RIN3: variants seen among roughly 807,000 people sequenced by gnomAD.
RIN3 encodes the protein Ras and Rab interactor 3.
In RIN3, 54 loss-of-function variants were observed where a neutral mutation model predicts 76.3. The observed-to-expected ratio is 0.71, with a 90% CI of 0.57 to 0.89. RIN3 has a LOEUF of 0.89. Among genes scored for constraint, RIN3 ranks in the 40% least tolerant of loss-of-function variants. RIN3 has a pLI of 0.00. For synonymous variants in RIN3, 576 were observed against 564.0 expected (o/e 1.02, Z -0.30); for missense variants, 1,256 against 1,322.1 (o/e 0.95, Z 0.78).
intron 3 of RIN3, among the ~76,000 whole-genome samples, chr14:92,613,944 G>A (rs1442313805): frequency 8.5e-5 from 13 of 152,188 alleles, no homozygotes; most frequent in Admixed American, 3.3e-4. Flanking sequence ...CAGGAGTTGT[G>A]GGGCAGGTGC....
At chr14:92,618,607 T>C (rs1345451713) in intron 4 of RIN3, among the ~76,000 whole-genome samples, 1 of 152,212 alleles carries the variant, frequency 6.6e-6, no homozygotes, top group African/African-American at 2.4e-5. Context: ...CCCTCTTGCA[T>C]GGGAAAGCTT....
chr14:92,614,799 T>TTTTATATATA (rs1555388278), intron 3 of RIN3, among the ~76,000 whole-genome samples: 19 of 103,402 alleles, frequency 1.8e-4, no homozygotes, highest in African/African-American at 5.8e-4. Context: ...TTAAACCTCT[T>TTTTATATATA]TATATATATA....
chr14:92,653,028 A>T lies in RIN3; in HGVS notation c.1979A>T (p.Glu660Val). The T allele has an allele frequency of 6.2e-7, 1 of 1,610,364 alleles. No homozygotes were observed. Among genetic ancestry groups the T allele is most frequent in the Non-Finnish European group, 8.5e-7 (1 of 1,179,924 alleles). ...AAGAGCTACCTGCTGCAGAGCACCG[A>T]GCTCAAGGCCCTGGTGGACCCCGCC... ...QLKSYLLQST[E>V]LKALVDPALH... The change falls in exon 6 of 10, where the codon GAG becomes GTG. Residue 660 changes from glutamate (E) to valine (V), a missense_variant. Around this residue, in one of 3 missense-constraint regions of RIN3, gnomAD observed 428 missense variants for 521.2 expected, o/e 0.82. Coordinates refer to ENST00000216487, the MANE Select transcript of RIN3 (RefSeq NM_024832.5).
chr14:92,613,762 AGACCTGGAAGCCG>A (rs1375801836), intron 3 of RIN3, among the ~76,000 whole-genome samples: 4 of 152,228 alleles, frequency 2.6e-5, no homozygotes, highest in Admixed American at 2.6e-4. Context: ...GCTCAGAGCC[AGACCTGGAAGCCG>A]GGTCCTGCCT....
intron 3 of RIN3, among the ~76,000 whole-genome samples, chr14:92,600,117 C>T (rs751175723): frequency 2.0e-4 from 31 of 152,162 alleles, no homozygotes; most frequent in African/African-American, 3.1e-4. Flanking sequence ...TCACCACCTG[C>T]GCTCAGAACC....
intron 7 of RIN3, among the ~76,000 whole-genome samples, chr14:92,668,531 C>G (rs757686990): frequency 3.9e-5 from 6 of 152,216 alleles, no homozygotes; most frequent in Non-Finnish European, 7.3e-5. Flanking sequence ...TAACCAGCAT[C>G]TGTGCAAAGT....
chr14:92,604,909 CTTTTTTTTTTTTTTTTTTTTTT>C (rs148326639), intron 3 of RIN3, among the ~76,000 whole-genome samples: 2 of 90,050 alleles, frequency 2.2e-5, no homozygotes, highest in African/African-American at 4.9e-5. Flanking sequence ...CCATTTTCCT[CTTTTTTTTTTTTTTTTTTTTTT>C]TTTTTTTTTT....
Position 92,685,491 on chromosome 14 carries a change from C to G in RIN3, c.2631+341C>G. 3.9e-6 allele frequency: 1 copy of G among 256,946 alleles called. No individual in the cohort carries two copies. The highest frequency in any genetic ancestry group is 7.7e-6 in the Non-Finnish European group (1 of 130,684). 15.9% of individuals were successfully genotyped at this position (256,946 alleles called of 1,614,324 possible). ...GGAGATGGGGACTTGTCATCCCAGT[C>G]CCTGCTTTAAGGAGCCCACAGGCTC... On this transcript the variant is annotated intron_variant, in intron 9 of 9. Coordinates refer to ENST00000216487, the MANE Select transcript of RIN3 (RefSeq NM_024832.5). The surrounding 1 kb of genome is among the most constrained non-coding windows in gnomAD (Gnocchi z 4.7).
chr14:92,611,251 A>G (rs1885720481), intron 3 of RIN3, among the ~76,000 whole-genome samples: 1 of 151,866 alleles, frequency 6.6e-6, no homozygotes, highest in African/African-American at 2.4e-5. Flanking sequence ...TTCCCATGGC[A>G]TTCCCTTCGC....
chr14:92,579,226 C>A (rs1426357259), intron 3 of RIN3, among the ~76,000 whole-genome samples: 1 of 152,194 alleles, frequency 6.6e-6, no homozygotes, highest in Non-Finnish European at 1.5e-5. Flanking sequence ...CCGTGCCCGG[C>A]CCTGAGCCAT....
chr14:92,553,614 T>G (rs1003127400), intron 1 of RIN3, among the ~76,000 whole-genome samples: 4 of 152,000 alleles, frequency 2.6e-5, no homozygotes, highest in African/African-American at 9.7e-5. Context: ...ACCTGGCTCC[T>G]TCTTCTAGGT....
At chr14:92,573,774 C>A (rs553428891) in intron 2 of RIN3, among the ~76,000 whole-genome samples, 1 of 152,358 alleles carries the variant, frequency 6.6e-6, no homozygotes, top group South Asian at 2.1e-4. Flanking sequence ...TTCCCATGGG[C>A]CTGGTGGCCA....
At chr14:92,641,407 T>G in intron 5 of RIN3, 78 bp downstream of exon 5, 5 of 1,083,004 alleles carry the variant, frequency 4.6e-6, no homozygotes, top group Non-Finnish European at 7.0e-6. Flanking sequence ...AGGGGCCGCC[T>G]GTGCAGAGGG....
chr14:92,585,769 C>T (rs1226310833), intron 3 of RIN3, among the ~76,000 whole-genome samples: 1 of 152,146 alleles, frequency 6.6e-6, no homozygotes, highest in Non-Finnish European at 1.5e-5. Context: ...CAGGTACACG[C>T]CGCTGTGCCT....
At chr14:92,589,099 G>T (rs1018779862) in intron 3 of RIN3, among the ~76,000 whole-genome samples, 1 of 152,094 alleles carries the variant, frequency 6.6e-6, no homozygotes, top group Non-Finnish European at 1.5e-5. Context: ...GAAGTTTCTT[G>T]GTTTCTTGCC....
At chr14:92,549,527 A>G (rs147359636) in intron 1 of RIN3, among the ~76,000 whole-genome samples, 268 of 152,312 alleles carry the variant, frequency 1.8e-3, no homozygotes, top group African/African-American at 6.1e-3. Context: ...TGGGCTAGCT[A>G]TCCACGCTGG....
At chr14:92,657,078 G>T (rs905280345) in intron 6 of RIN3, among the ~76,000 whole-genome samples, 1 of 152,230 alleles carries the variant, frequency 6.6e-6, no homozygotes, top group Non-Finnish European at 1.5e-5. Flanking sequence ...GCCAGACAGG[G>T]CGGGGTGTGG....
Position 92,513,854 on chromosome 14 carries a change from T to C in RIN3, c.-79T>C, listed in dbSNP as rs1896358059. On this transcript the variant is annotated 5_prime_UTR_variant, in exon 1 of 10. It removes an upstream start codon present in the reference 5' UTR. Coordinates refer to ENST00000216487, the MANE Select transcript of RIN3 (RefSeq NM_024832.5). ...TTCCAGAGGGCCAGAGCCAGGGACA[T>C]GCGGGCGCCCGGGACTCCGCGTTCC... is the stretch of plus-strand genomic sequence containing the variant. 1 of 1,058,000 alleles carries C rather than the reference T, an allele frequency of 9.5e-7. No individual in the cohort carries two copies. The highest frequency in any genetic ancestry group is 1.2e-6 in the Non-Finnish European group (1 of 833,366). 65.5% of individuals were successfully genotyped at this position (1,058,000 alleles called of 1,614,324 possible).
chr14:92,613,340 G>T (rs1471919171), intron 3 of RIN3, among the ~76,000 whole-genome samples: 1 of 152,106 alleles, frequency 6.6e-6, no homozygotes, highest in Non-Finnish European at 1.5e-5. Flanking sequence ...ACCAGCTAGG[G>T]TCTTTCAGAC....
Sources: gnomAD v4.1 joint callset for allele counts (sites outside exome capture counted in the v4.1 genomes callset) on GRCh38, gnomAD v4.1.1 for gene constraint, gnomAD v4.1.1 regional missense constraint, Gnocchi (gnomAD v3.1) non-coding constraint, MANE v1.5 for transcripts, NCBI Gene and HGNC (gene_info 2026-07-23, HGNC 2026-07-21) for gene names.